USH2A: variants seen among roughly 807,000 people sequenced by gnomAD.
The protein encoded by USH2A is usherin, also known as Usher syndrome 2A (autosomal recessive, mild).
USH2A carries 443 observed loss-of-function variants against 538.9 expected under a neutral mutation model. That is an observed-to-expected ratio of 0.82 (90% confidence interval 0.76 to 0.89). The LOEUF (loss-of-function observed/expected upper bound fraction) is 0.89. USH2A is among the 40% of genes least tolerant of loss of function. The pLI is 0.00. For synonymous variants in USH2A, 2,413 were observed against 2,273.5 expected (o/e 1.06, Z -1.75); for missense variants, 6,633 against 6,324.8 (o/e 1.05, Z -1.65).
intron 11 of USH2A, among the ~76,000 whole-genome samples, chr1:216,267,568 C>CAAGT (rs1402778877): frequency 2.0e-5 from 3 of 152,014 alleles, no homozygotes; most frequent in Non-Finnish European, 2.9e-5. Flanking sequence ...TGGGAGAAGT[C>CAAGT]AAGTTCACAG....
At chr1:216,172,141 T>C (rs572098909) in intron 21 of USH2A, among the ~76,000 whole-genome samples, 269 of 152,176 alleles carry the variant, frequency 1.8e-3, no homozygotes, top group Middle Eastern at 0.014. Flanking sequence ...TTCTATTGTG[T>C]AAGATAAAAA....
chr1:215,814,263 C>T (rs1662794264), intron 48 of USH2A, among the ~76,000 whole-genome samples: 1 of 145,092 alleles, frequency 6.9e-6, no homozygotes, highest in Admixed American at 6.9e-5. Context: ...CTTACACATA[C>T]ACATATGTAT....
At chr1:216,039,233 C>T (rs1319167689) in intron 32 of USH2A, among the ~76,000 whole-genome samples, 1 of 151,980 alleles carries the variant, frequency 6.6e-6, no homozygotes, top group East Asian at 1.9e-4. Flanking sequence ...TATAGAACAA[C>T]CTTGAACAAC....
chr1:216,253,567 T>C (rs964265153), intron 11 of USH2A, among the ~76,000 whole-genome samples: 1 of 152,194 alleles, frequency 6.6e-6, no homozygotes, highest in Admixed American at 6.5e-5. Context: ...CATCCCTGAA[T>C]GACAGAAGTC....
intron 9 of USH2A, among the ~76,000 whole-genome samples, chr1:216,300,619 G>A (rs2037196311): frequency 6.6e-6 from 1 of 151,914 alleles, no homozygotes; most frequent in Non-Finnish European, 1.5e-5. Flanking sequence ...TATTTCTTAT[G>A]GATCATTAAA....
intron 4 of USH2A, among the ~76,000 whole-genome samples, chr1:216,359,502 G>A (rs554919356): frequency 2.4e-4 from 36 of 152,168 alleles, no homozygotes; most frequent in Non-Finnish European, 4.4e-4. Context: ...TTAAACCAGA[G>A]CTTGGCAATT....
chr1:216,269,169 C>A (rs2036530641), intron 11 of USH2A, among the ~76,000 whole-genome samples: 1 of 152,098 alleles, frequency 6.6e-6, no homozygotes, highest in Admixed American at 6.6e-5. Flanking sequence ...TCACCCAAAT[C>A]TCATCTTGAA....
At chr1:216,290,432 G>A (rs4846269) in intron 10 of USH2A, among the ~76,000 whole-genome samples, 87,854 of 151,854 alleles carry the variant, frequency 0.58, 27,423 homozygotes, top group East Asian at 0.75. Flanking sequence ...AATATTTATC[G>A]CGTGATTACT....
intron 31 of USH2A, 131 bp from the exon 32 acceptor site, chr1:216,046,723 GC>G: frequency 9.3e-7 from 1 of 1,072,466 alleles, no homozygotes; most frequent in Non-Finnish European, 1.4e-6. Context: ...TTCGTGGGCA[GC>G]TTGTCAGTAA....
intron 60 of USH2A, among the ~76,000 whole-genome samples, chr1:215,733,213 G>T (rs11120615): frequency 7.6e-6 from 1 of 131,646 alleles, no homozygotes; most frequent in African/African-American, 3.1e-5. Flanking sequence ...GGCGGGGGGC[G>T]GGTGGAGTCC....
At chr1:215,642,884 A>C (rs1656733355) in intron 67 of USH2A, among the ~76,000 whole-genome samples, 2 of 152,116 alleles carry the variant, frequency 1.3e-5, no homozygotes, top group African/African-American at 4.8e-5. Flanking sequence ...TCTCCACTGA[A>C]GGGGGATTCA....
intron 9 of USH2A, among the ~76,000 whole-genome samples, chr1:216,316,866 C>T (rs1212977198): frequency 2.6e-5 from 4 of 152,128 alleles, no homozygotes; most frequent in African/African-American, 4.8e-5. Flanking sequence ...CAAAAGAAGA[C>T]ATTAATGTCC....
chr1:216,395,989 C>A (rs191997022), intron 3 of USH2A, among the ~76,000 whole-genome samples: 5 of 152,302 alleles, frequency 3.3e-5, no homozygotes, highest in Admixed American at 3.3e-4. Flanking sequence ...ACTGTTTCAA[C>A]TCCTCCACAG....
Position 216,379,422 on chromosome 1 carries a change from T to C in USH2A, c.652-14337A>G, listed in dbSNP as rs80140490. Among the ~76,000 whole-genome samples the C allele has an allele frequency of 8.4e-4, 127 of 151,956 alleles. 2 individuals are homozygous for C. The East Asian group carries it at 0.022, about 26-fold the overall frequency. ...TCTTCAACCAGCTGCTAATGTCTAA[T>C]CAGATTAAAACTGTAAATCTCTTTC... On this transcript the variant is annotated intron_variant, in intron 3 of 71. Coordinates refer to ENST00000307340, the MANE Select transcript of USH2A (RefSeq NM_206933.4).
chr1:216,169,934 T>C (rs1348128714), intron 21 of USH2A, among the ~76,000 whole-genome samples: 2 of 152,134 alleles, frequency 1.3e-5, no homozygotes, highest in Non-Finnish European at 2.9e-5. Flanking sequence ...AACTGGGGTT[T>C]TGTTTAGTTG....
chr1:215,779,777 GC>G, intron 55 of USH2A, 65 bp downstream of exon 55: 2 of 1,583,356 alleles, frequency 1.3e-6, no homozygotes, highest in South Asian at 1.1e-5. Context: ...CCCCTGGGAT[GC>G]TTTGCCCCCC....
intron 21 of USH2A, among the ~76,000 whole-genome samples, chr1:216,168,816 T>A (rs1352245409): frequency 6.6e-6 from 1 of 152,038 alleles, no homozygotes; most frequent in Non-Finnish European, 1.5e-5. Flanking sequence ...GCTCATCTGA[T>A]CTTGTGGTCC....
chr1:215,699,538 C>A (rs1332039075), intron 61 of USH2A, among the ~76,000 whole-genome samples: 2 of 152,074 alleles, frequency 1.3e-5, no homozygotes, highest in Admixed American at 6.5e-5. Context: ...CCTTCACAAC[C>A]CTTGTAAGTT....
intron 32 of USH2A, among the ~76,000 whole-genome samples, chr1:216,032,476 G>C (rs1669150147): frequency 4.6e-5 from 7 of 152,070 alleles, no homozygotes; most frequent in Admixed American, 4.6e-4. Flanking sequence ...ACCTGTGGTA[G>C]GAAGAATTCT....
Sources: allele counts gnomAD v4.1 joint callset (sites outside exome capture counted in the v4.1 genomes callset), GRCh38; gene constraint gnomAD v4.1.1; transcripts MANE v1.5; gene names NCBI Gene and HGNC (gene_info 2026-07-23, HGNC 2026-07-21).